Variants in LPP observed in about 807,000 individuals in gnomAD.
LPP encodes the protein LIM domain containing preferred translocation partner in lipoma.
Under a neutral mutation model 60.4 loss-of-function variants are expected in LPP, and 38 were observed. That is an observed-to-expected ratio of 0.63 (90% confidence interval 0.49 to 0.83). LPP has a LOEUF of 0.83. Ranked by LOEUF, LPP falls within the 40% of genes least tolerant of loss-of-function variation. The pLI, the probability that LPP is intolerant of heterozygous loss-of-function variation, is 0.00. For synonymous variants in LPP, 328 were observed against 290.8 expected, an observed-to-expected ratio of 1.13 and a Z score of -1.30; for missense variants, 902 against 783.6, an observed-to-expected ratio of 1.15 and a Z score of -1.80.
intron 9 of LPP, among the ~76,000 whole-genome samples, chr3:188,827,992 C>T (rs1756036758): frequency 6.6e-6 from 1 of 152,120 alleles, no homozygotes; most frequent in Admixed American, 6.5e-5. Flanking sequence ...CACATTTTTC[C>T]CTAATGAGAC....
At chr3:188,779,581 CTT>C (rs767829096) in intron 9 of LPP, among the ~76,000 whole-genome samples, 3 of 141,366 alleles carry the variant, frequency 2.1e-5, no homozygotes, top group Non-Finnish European at 3.1e-5. Flanking sequence ...TTCAAAAAGA[CTT>C]TTTTTTTTTT....
intron 9 of LPP, among the ~76,000 whole-genome samples, chr3:188,836,344 T>C (rs967967616): frequency 6.6e-6 from 1 of 152,248 alleles, no homozygotes; most frequent in Non-Finnish European, 1.5e-5. Flanking sequence ...CATATTTCTA[T>C]AACAATAATT....
Position 188,872,757 on chromosome 3 carries a change from A to T in LPP, c.1704A>T (p.Arg568=). 2 of 1,614,034 alleles carry T rather than the reference A, an allele frequency of 1.2e-6. No homozygotes were observed. The highest frequency in any genetic ancestry group is 1.7e-6 in the Non-Finnish European group (2 of 1,179,986). The change falls in exon 11 of 12, where the codon CGA becomes CGT. Residue 568 remains arginine, a synonymous_variant. Coordinates refer to ENST00000617246, the MANE Select transcript of LPP (RefSeq NM_001375462.1). ...GAGATTTCCATGTTCACTGCTACCG[A>T]TGCGAGGTCTGGTTGACAGCCCTGC... ...LDRDFHVHCY[R]CEDCGGLLSE... is the part of the protein sequence containing the mutation.
chr3:188,536,606 T>C (rs71633238), intron 6 of LPP, among the ~76,000 whole-genome samples: 5,380 of 152,302 alleles, frequency 0.035, 180 homozygotes, highest in Non-Finnish European at 0.047. Flanking sequence ...GAGTATTGAA[T>C]TTTAAATGGA....
intron 5 of LPP, among the ~76,000 whole-genome samples, chr3:188,519,432 G>A (rs1363915892): frequency 1.3e-5 from 2 of 152,196 alleles, no homozygotes; most frequent in African/African-American, 2.4e-5. Flanking sequence ...TCAGCTAGGA[G>A]CCTGTTCTAA....
chr3:188,877,860 T>G lies in LPP; in HGVS notation c.*3381T>G, dbSNP rs6809712. The G allele has an allele frequency of 0.013, 2,795 of 215,030 alleles. 81 individuals are homozygous for G. The highest frequency in any genetic ancestry group is 0.058 in the African/African-American group (2,595 of 44,416). 13.3% of individuals were successfully genotyped at this position (215,030 alleles called of 1,614,324 possible). ...AGATGTGGGTTCTTTTTCTTGTCAT[T>G]AACACATTGTTATTTCTGTAGGAGC... On this transcript the variant is annotated 3_prime_UTR_variant, in exon 12 of 12. Coordinates refer to ENST00000617246, the MANE Select transcript of LPP (RefSeq NM_001375462.1).
At position 188,609,685 on chromosome 3, in the gene LPP, T is replaced by G; in HGVS notation, c.954T>G (p.Gly318=). The change falls in exon 7 of 12, where the codon GGT becomes GGG. Residue 318 remains glycine (G), a synonymous_variant. Coordinates refer to ENST00000617246, the MANE Select transcript of LPP (RefSeq NM_001375462.1). This position sits in a 1 kb window ranked among gnomAD's most constrained non-coding sequence, Gnocchi z 6.9. ...GAAATGACTCTGACCCTACCTATGGTCAACAAGGTCACCCAAATACCTGGA... is the reference window on the plus strand; with the variant it reads ...GAAATGACTCTGACCCTACCTATGGGCAACAAGGTCACCCAAATACCTGGA... ...GGRNDSDPTY[G]QQGHPNTWKR... 1 of 1,614,012 alleles carries G rather than the reference T, an allele frequency of 6.2e-7. No individual in the cohort carries two copies. The highest frequency in any genetic ancestry group is 1.3e-5 in the African/African-American group (1 of 74,970).
At chr3:188,398,520 C>T (rs1458661794) in intron 3 of LPP, among the ~76,000 whole-genome samples, 1 of 152,204 alleles carries the variant, frequency 6.6e-6, no homozygotes, top group African/African-American at 2.4e-5. Flanking sequence ...GGCACTTAGC[C>T]AGTGCTGGGC....
intron 2 of LPP, among the ~76,000 whole-genome samples, chr3:188,236,637 G>A (rs1722021402): frequency 6.6e-6 from 1 of 152,212 alleles, no homozygotes; most frequent in Admixed American, 6.5e-5. Flanking sequence ...TTGGTTCCCA[G>A]TGCATATGAA....
intron 3 of LPP, among the ~76,000 whole-genome samples, chr3:188,384,830 A>T (rs1203556158): frequency 6.8e-6 from 1 of 146,670 alleles, no homozygotes; most frequent in Admixed American, 6.8e-5. Flanking sequence ...AAAAAATTTC[A>T]GAAGTCCCGG....
At chr3:188,864,684 C>T (rs34144575) in intron 9 of LPP, among the ~76,000 whole-genome samples, 18,142 of 152,208 alleles carry the variant, frequency 0.12, 1,555 homozygotes, top group Non-Finnish European at 0.18. Flanking sequence ...TTAGCCAAGG[C>T]ACAGAAGTAT....
At chr3:188,508,187 G>A (rs554049866) in intron 5 of LPP, among the ~76,000 whole-genome samples, 37 of 152,342 alleles carry the variant, frequency 2.4e-4, no homozygotes, top group African/African-American at 8.7e-4. Context: ...AATTTGGAAA[G>A]AGGGGGCTTA....
intron 3 of LPP, among the ~76,000 whole-genome samples, chr3:188,389,981 T>C (rs1779322495): frequency 6.6e-6 from 1 of 152,162 alleles, no homozygotes; most frequent in Non-Finnish European, 1.5e-5. Flanking sequence ...CTCTGTCCAA[T>C]TGTGTTCCTT....
Position 188,887,435 on chromosome 3 carries a change from A to G in LPP, c.*12956A>G, listed in dbSNP as rs1408203002. On this transcript the variant is annotated 3_prime_UTR_variant, in exon 12 of 12. Coordinates refer to ENST00000617246, the MANE Select transcript of LPP (RefSeq NM_001375462.1). ...CCCAATGTGTTTCATTCCTTCAAACATAAACTTTGAGAGTAAAAGAGATTT... is the reference window on the plus strand; with the variant it reads ...CCCAATGTGTTTCATTCCTTCAAACGTAAACTTTGAGAGTAAAAGAGATTT... 2 of 215,734 alleles carry G rather than the reference A, an allele frequency of 9.3e-6. No individual in the cohort carries two copies. The highest frequency in any genetic ancestry group is 1.4e-4 in the East Asian group (2 of 14,516). The allele number at this position is 215,734 out of a possible 1,614,324, so 13.4% of individuals were successfully genotyped here. A position where few individuals can be genotyped will look rare whatever the true frequency, so the allele number is the denominator to read the frequency against.
At chr3:188,515,858 T>C (rs1817212666) in intron 5 of LPP, among the ~76,000 whole-genome samples, 1 of 152,170 alleles carries the variant, frequency 6.6e-6, no homozygotes, top group Non-Finnish European at 1.5e-5. Context: ...CCACATAGTT[T>C]TACAAAGAGT....
chr3:188,616,909 A>G (rs1195803808), intron 7 of LPP, among the ~76,000 whole-genome samples: 1 of 152,202 alleles, frequency 6.6e-6, no homozygotes, highest in Non-Finnish European at 1.5e-5. Flanking sequence ...AGAAATAGCA[A>G]TAGATTTTTA....
intron 5 of LPP, among the ~76,000 whole-genome samples, chr3:188,498,985 T>G (rs572871423): frequency 3.3e-5 from 5 of 152,298 alleles, no homozygotes; most frequent in Admixed American, 2.6e-4. Context: ...AGTTCTTTAT[T>G]CATTTTTGAA....
chr3:188,275,671 T>C (rs1739381559), intron 2 of LPP, among the ~76,000 whole-genome samples: 2 of 135,090 alleles, frequency 1.5e-5, no homozygotes, highest in Non-Finnish European at 3.1e-5. Context: ...GAGCACCTGC[T>C]GTATTCCAGG....
At chr3:188,350,171 C>A (rs562777390) in intron 3 of LPP, among the ~76,000 whole-genome samples, 3 of 152,278 alleles carry the variant, frequency 2.0e-5, no homozygotes, top group Non-Finnish European at 2.9e-5. Flanking sequence ...CACCTACAAG[C>A]AAGGTAGCTT....
Sources: allele counts gnomAD v4.1 joint callset (sites outside exome capture counted in the v4.1 genomes callset), GRCh38; gene constraint gnomAD v4.1.1; non-coding constraint Gnocchi (gnomAD v3.1); transcripts MANE v1.5; gene names NCBI Gene and HGNC (gene_info 2026-07-23, HGNC 2026-07-21).